PALM2AKAP2: variants seen among roughly 807,000 people sequenced by gnomAD.
PALM2AKAP2 encodes the protein PALM2 and AKAP2 fusion, also known as PALM2-AKAP2 fusion protein.
In PALM2AKAP2, 37 loss-of-function variants were observed where a neutral mutation model predicts 71.5. The observed-to-expected ratio is 0.52, with a 90% confidence interval of 0.40 to 0.68. The LOEUF (loss-of-function observed/expected upper bound fraction) is 0.68, where lower values mean the gene tolerates loss of function less well. PALM2AKAP2 is among the 30% of genes least tolerant of loss of function. The pLI is 0.00. For missense variants in PALM2AKAP2, 1,224 were observed against 1,191.8 expected, an observed-to-expected ratio of 1.03 and a Z score of -0.40; for synonymous variants, 468 against 478.8, an observed-to-expected ratio of 0.98 and a Z score of 0.29.
At chr9:109,973,457 C>T (rs1010946058) in intron 6 of PALM2AKAP2, among the ~76,000 whole-genome samples, 9 of 152,156 alleles carry the variant, frequency 5.9e-5, no homozygotes, top group Non-Finnish European at 2.9e-5. Flanking sequence ...GAAAGGGGTA[C>T]TAGGAGAACC....
chr9:110,129,963 G>A (rs961140979), intron 1 of PALM2AKAP2, among the ~76,000 whole-genome samples: 2 of 152,180 alleles, frequency 1.3e-5, no homozygotes, highest in African/African-American at 4.8e-5. Context: ...AGGATCTGGG[G>A]TTGGGGAAAG....
chr9:109,653,779 T>C (rs1827258413), intron 1 of PALM2AKAP2, among the ~76,000 whole-genome samples: 1 of 152,174 alleles, frequency 6.6e-6, no homozygotes, highest in Non-Finnish European at 1.5e-5. Flanking sequence ...GGGCTTTATA[T>C]AACACAAGAT....
intron 1 of PALM2AKAP2, among the ~76,000 whole-genome samples, chr9:109,735,948 G>C (rs553131411): frequency 2.8e-4 from 43 of 152,344 alleles, no homozygotes; most frequent in African/African-American, 1.0e-3. Context: ...GGGACCAAAT[G>C]AGAAGAAGAA....
chr9:109,921,698 T>C (rs191058703), intron 3 of PALM2AKAP2, among the ~76,000 whole-genome samples: 1 of 152,212 alleles, frequency 6.6e-6, no homozygotes, highest in Admixed American at 6.5e-5. Context: ...GGAAAAGACA[T>C]GGGGTACATG....
At chr9:110,106,335 GAGGT>G (rs1244423968) in intron 1 of PALM2AKAP2, among the ~76,000 whole-genome samples, 1 of 152,206 alleles carries the variant, frequency 6.6e-6, no homozygotes, top group Non-Finnish European at 1.5e-5. Context: ...GTTGGGTCCA[GAGGT>G]AGCTGGCAGA....
chr9:109,891,238 A>G (rs1181423463), intron 3 of PALM2AKAP2, among the ~76,000 whole-genome samples: 1 of 152,204 alleles, frequency 6.6e-6, no homozygotes, highest in Non-Finnish European at 1.5e-5. Context: ...GGTAGGCAGC[A>G]CTTAGAAAGC....
At chr9:110,054,625 T>A (rs1833792835) in intron 1 of PALM2AKAP2, among the ~76,000 whole-genome samples, 1 of 152,168 alleles carries the variant, frequency 6.6e-6, no homozygotes, top group African/African-American at 2.4e-5. Context: ...CAGGCTGGAG[T>A]GCAGTTGTGT....
chr9:109,867,491 GA>G lies in PALM2AKAP2; in HGVS notation c.52del (p.Arg18GlufsTer7). ...CAGCCTCTGTCTCTTTATTTTCAAG[GA>G]AAAAAGAAAGAGGCAGACTGAAATA... On this transcript the variant is annotated frameshift_variant and splice_region_variant, in exon 2 of 10. Coordinates refer to the PALM2AKAP2 transcript ENST00000302798. LOFTEE classifies it high-confidence loss of function. 1.2e-6 allele frequency: 2 copies of G among 1,609,760 alleles called. No individual in the cohort carries two copies. The highest frequency in any genetic ancestry group is 8.5e-7 in the Non-Finnish European group (1 of 1,178,684).
At chr9:109,775,937 A>G (rs1275079663), upstream of PALM2AKAP2, among the ~76,000 whole-genome samples, 1 of 152,270 alleles carries the variant, frequency 6.6e-6, no homozygotes, top group Non-Finnish European at 1.5e-5. Context: ...GCAATGAAGC[A>G]TCTATCATAA....
chr9:109,652,853 T>C (rs1440522241), intron 1 of PALM2AKAP2, among the ~76,000 whole-genome samples: 2 of 152,198 alleles, frequency 1.3e-5, no homozygotes, highest in Non-Finnish European at 2.9e-5. Context: ...AAGGAAAGGT[T>C]TGATGGAATA....
rs537460741 is a variant in PALM2AKAP2 at position 109,838,562 on chromosome 9, C to T, written c.46-28929C>T. ...CTGAAGGAAATGGAGACATAAAAAA[C>T]CCTTCAAAAAATCAATGAATCCAGG... On this transcript the variant is annotated intron_variant, in intron 1 of 9. Coordinates refer to the PALM2AKAP2 transcript ENST00000302798. Among the ~76,000 whole-genome samples, 3 of 152,228 alleles carry T rather than the reference C, an allele frequency of 2.0e-5. No homozygotes were observed. In the South Asian group the frequency reaches 6.2e-4, roughly 32 times the overall value.
chr9:109,806,075 G>A (rs1334605994), intron 1 of PALM2AKAP2, among the ~76,000 whole-genome samples: 1 of 152,204 alleles, frequency 6.6e-6, no homozygotes, highest in African/African-American at 2.4e-5. Context: ...CTCACTGCCT[G>A]TTAACATGAC....
chr9:109,901,564 A>C (rs1203403222), intron 3 of PALM2AKAP2, among the ~76,000 whole-genome samples: 1 of 152,230 alleles, frequency 6.6e-6, no homozygotes, highest in African/African-American at 2.4e-5. Flanking sequence ...AAGAGTCAGA[A>C]TAGCAGATTG....
chr9:109,730,313 G>T (rs904619361), intron 1 of PALM2AKAP2, among the ~76,000 whole-genome samples: 2 of 152,182 alleles, frequency 1.3e-5, no homozygotes, highest in African/African-American at 4.8e-5. Flanking sequence ...TAAATGTCTT[G>T]CTGTGAATAT....
At chr9:109,745,988 T>C (rs963692198) in intron 1 of PALM2AKAP2, among the ~76,000 whole-genome samples, 10 of 152,226 alleles carry the variant, frequency 6.6e-5, no homozygotes, top group Non-Finnish European at 1.0e-4. Flanking sequence ...GGTAACAATA[T>C]GTGCTTTGTT....
intron 1 of PALM2AKAP2, among the ~76,000 whole-genome samples, chr9:109,827,808 G>GAA (rs987634750): frequency 3.3e-5 from 5 of 151,458 alleles, no homozygotes; most frequent in African/African-American, 1.2e-4. Flanking sequence ...CACTGCTACT[G>GAA]AAAAAAAACC....
At chr9:109,664,953 C>T (rs1031725538) in intron 1 of PALM2AKAP2, among the ~76,000 whole-genome samples, 10 of 152,096 alleles carry the variant, frequency 6.6e-5, no homozygotes, top group Middle Eastern at 3.4e-3. Flanking sequence ...TCACTGATAC[C>T]CTTTCTTCCA....
At chr9:109,670,018 A>G (rs552555730) in intron 1 of PALM2AKAP2, among the ~76,000 whole-genome samples, 1 of 152,058 alleles carries the variant, frequency 6.6e-6, no homozygotes, top group Admixed American at 6.6e-5. Context: ...TCTAATATTA[A>G]TATTTCAAGT....
intron 1 of PALM2AKAP2, among the ~76,000 whole-genome samples, chr9:109,819,515 A>G (rs1456947630): frequency 2.0e-5 from 3 of 152,184 alleles, no homozygotes; most frequent in Non-Finnish European, 4.4e-5. Flanking sequence ...ATATGATCTT[A>G]TATGTCCATT....
Sources: gnomAD v4.1 joint callset for allele counts (sites outside exome capture counted in the v4.1 genomes callset) on GRCh38, gnomAD v4.1.1 for gene constraint, MANE v1.5 for transcripts, NCBI Gene and HGNC (gene_info 2026-07-23, HGNC 2026-07-21) for gene names.